Variants in NKAIN3 observed in about 807,000 individuals in gnomAD.
The protein encoded by NKAIN3 is sodium/potassium-transporting ATPase subunit beta-1-interacting protein 3.
In NKAIN3, 25 loss-of-function variants were observed where a neutral mutation model predicts 30.2. That is an observed-to-expected ratio of 0.83 (90% CI 0.60 to 1.16). The LOEUF (loss-of-function observed/expected upper bound fraction) is 1.16, where lower values mean the gene tolerates loss of function less well. Among genes scored for constraint, NKAIN3 ranks in the 50% most tolerant of loss-of-function variants. The probability of loss-of-function intolerance (pLI) is 0.00; values close to 1 mark genes in which losing one functional copy is unlikely to be tolerated. For missense variants in NKAIN3, 225 were observed against 254.1 expected (o/e 0.89, Z 0.78); for synonymous variants, 91 against 89.6 (o/e 1.02, Z -0.09).
chr8:62,815,864 C>G (rs1399489548), intron 4 of NKAIN3, among the ~76,000 whole-genome samples: 1 of 151,770 alleles, frequency 6.6e-6, no homozygotes, highest in Non-Finnish European at 1.5e-5. Flanking sequence ...TCTGCTGTTC[C>G]AATATTTCAA....
At chr8:62,454,450 T>C (rs1042486657) in intron 1 of NKAIN3, among the ~76,000 whole-genome samples, 1 of 152,140 alleles carries the variant, frequency 6.6e-6, no homozygotes, top group Non-Finnish European at 1.5e-5. Flanking sequence ...TATACTGTCT[T>C]AGGGTTTTCA....
intron 1 of NKAIN3, among the ~76,000 whole-genome samples, chr8:62,557,260 A>G (rs1024513334): frequency 6.6e-6 from 1 of 152,072 alleles, no homozygotes; most frequent in Non-Finnish European, 1.5e-5. Flanking sequence ...GCTGAGTAGT[A>G]TTGCATCATG....
intron 2 of NKAIN3, among the ~76,000 whole-genome samples, chr8:62,587,991 A>G (rs912943107): frequency 3.3e-5 from 5 of 152,120 alleles, no homozygotes; most frequent in Admixed American, 3.3e-4. Flanking sequence ...TTTAGGAATT[A>G]GTCCCAATAA....
At chr8:62,347,807 A>G (rs1816049690) in intron 1 of NKAIN3, among the ~76,000 whole-genome samples, 1 of 152,132 alleles carries the variant, frequency 6.6e-6, no homozygotes, top group Non-Finnish European at 1.5e-5. Flanking sequence ...TTGCAAAATG[A>G]CAACGGGAAA....
chr8:62,867,242 A>C (rs867164962), intron 4 of NKAIN3, among the ~76,000 whole-genome samples: 1 of 152,166 alleles, frequency 6.6e-6, no homozygotes, highest in African/African-American at 2.4e-5. Flanking sequence ...CTGACATTTC[A>C]CTGCTACATC....
intron 3 of NKAIN3, among the ~76,000 whole-genome samples, chr8:62,679,498 A>G (rs1177397725): frequency 2.6e-5 from 4 of 152,230 alleles, no homozygotes; most frequent in African/African-American, 9.6e-5. Flanking sequence ...GAACTGCTAT[A>G]AATAAATATC....
chr8:62,601,274 T>A (rs1378656824), intron 3 of NKAIN3, among the ~76,000 whole-genome samples: 1 of 152,056 alleles, frequency 6.6e-6, no homozygotes, highest in Non-Finnish European at 1.5e-5. Context: ...TTTTGATATC[T>A]TCCTACCTGG....
At chr8:62,937,427 C>T (rs925845849) in intron 5 of NKAIN3, among the ~76,000 whole-genome samples, 5 of 152,028 alleles carry the variant, frequency 3.3e-5, no homozygotes, top group South Asian at 4.1e-4. Context: ...ATTCACATCA[C>T]GGGAGAAGAA....
chr8:62,579,585 G>T lies in NKAIN3; in HGVS notation c.101G>T (p.Trp34Leu). 2 of 1,610,888 alleles carry T rather than the reference G, an allele frequency of 1.2e-6. No individual in the cohort carries two copies. The highest frequency in any genetic ancestry group is 1.7e-6 in the Non-Finnish European group (2 of 1,177,916). Residue 34 changes from tryptophan to leucine, a missense_variant, in exon 2 of 7, where the codon TGG becomes TTG. Coordinates refer to ENST00000623646, the MANE Select transcript of NKAIN3 (RefSeq NM_001304533.3). Reference protein sequence around the residue: ...RQIFDFLGFQWAPILGNFLHI... With the variant: ...RQIFDFLGFQLAPILGNFLHI... The stretch of plus-strand genomic sequence containing the variant: ...ATCTTTGACTTCCTTGGTTTCCAGT[G>T]GGCGCCTATTCTTGGAAATTTTCTA...
At position 62,813,551 on chromosome 8, in the gene NKAIN3, G is replaced by A. The variant is rs549605012; in HGVS notation, c.471+66422G>A. Reference sequence around the variant, plus strand: ...GGCCAGTCTGTATATTTTCATTGGGGAATTTAATCCATTTACATCCACAGT... The same window carrying A: ...GGCCAGTCTGTATATTTTCATTGGGAAATTTAATCCATTTACATCCACAGT... On this transcript the variant is annotated intron_variant, in intron 4 of 6. Coordinates refer to ENST00000623646, the MANE Select transcript of NKAIN3 (RefSeq NM_001304533.3). Among the ~76,000 whole-genome samples the A allele has an allele frequency of 5.3e-5, 8 of 150,904 alleles. No homozygotes were observed. The South Asian group carries it at 1.7e-3, about 32-fold the overall frequency.
rs72649356 is a variant in NKAIN3 at position 62,269,444 on chromosome 8, A to C, written c.54+20317A>C. On this transcript the variant is annotated intron_variant, in intron 1 of 6. Coordinates refer to ENST00000623646, the MANE Select transcript of NKAIN3 (RefSeq NM_001304533.3). The stretch of plus-strand genomic sequence containing the variant: ...GCTTTTGAGAAAGAGTAGACAGTAT[A>C]TCTCTGGAGTCGCCCATTATTTTTT... 9.0e-3 allele frequency among the ~76,000 whole-genome samples: 1,363 copies of C among 152,218 alleles called. 9 individuals are homozygous for C. The highest frequency in any genetic ancestry group is 0.015 in the Non-Finnish European group (1,006 of 68,004).
At chr8:62,888,203 A>G (rs1821201723) in intron 4 of NKAIN3, among the ~76,000 whole-genome samples, 1 of 152,156 alleles carries the variant, frequency 6.6e-6, no homozygotes, top group Non-Finnish European at 1.5e-5. Flanking sequence ...GTTCTGATAA[A>G]ATCCTAATAG....
At chr8:62,988,633 T>G (rs1055075931), downstream of NKAIN3, among the ~76,000 whole-genome samples, 3 of 152,232 alleles carry the variant, frequency 2.0e-5, no homozygotes, top group East Asian at 5.8e-4. Context: ...CCCTTGGATG[T>G]ACACAGCAGG....
chr8:62,499,267 T>C lies in NKAIN3; in HGVS notation c.55-80272T>C, dbSNP rs941659591. 1.3e-4 allele frequency among the ~76,000 whole-genome samples: 20 copies of C among 151,988 alleles called. 1 individual carries two copies. ...CACTCTGGAGATAGTAACTGTACTT[T>C]CTGTTCTTTTTGCTGCCTTTCTAGG... On this transcript the variant is annotated intron_variant, in intron 1 of 6. Transcript: ENST00000623646.
downstream of NKAIN3, chr8:62,984,971 A>G (rs1016457989): frequency 2.0e-5 from 3 of 152,232 alleles, no homozygotes; most frequent in African/African-American, 7.2e-5. Context: ...CTTAGAAACC[A>G]TATGCATCTT....
intron 1 of NKAIN3, among the ~76,000 whole-genome samples, chr8:62,410,142 A>G (rs1804196298): frequency 6.6e-6 from 1 of 150,778 alleles, no homozygotes; most frequent in South Asian, 2.1e-4. Context: ...TATTGTTTCC[A>G]TGTTCATGTC....
intron 5 of NKAIN3, among the ~76,000 whole-genome samples, chr8:62,922,841 C>G (rs1336733073): frequency 6.6e-6 from 1 of 151,774 alleles, no homozygotes; most frequent in Non-Finnish European, 1.5e-5. Flanking sequence ...AGATTTAGAT[C>G]CTGAAACATT....
At position 62,969,018 on chromosome 8, in the gene NKAIN3, C is replaced by A. The variant is rs1418083715; in HGVS notation, c.*3611C>A. ...TGTGTATATCCCCAAGTATCTTAGCCTTCCACCTACCACATAAAGTGAGGG... is the reference window on the plus strand; with the variant it reads ...TGTGTATATCCCCAAGTATCTTAGCATTCCACCTACCACATAAAGTGAGGG... On this transcript the variant is annotated 3_prime_UTR_variant, in exon 7 of 7. Transcript: ENST00000623646. 6.6e-6 allele frequency among the ~76,000 whole-genome samples: 1 copy of A among 152,204 alleles called. No homozygotes were observed. Among genetic ancestry groups the A allele is most frequent in the African/African-American group, 2.4e-5 (1 of 41,446 alleles).
intron 3 of NKAIN3, among the ~76,000 whole-genome samples, chr8:62,744,823 C>T (rs956168845): frequency 6.6e-6 from 1 of 152,040 alleles, no homozygotes; most frequent in South Asian, 2.1e-4. Flanking sequence ...AAAAAAATGA[C>T]CTAAACGTTT....
Sources: gnomAD v4.1 joint callset for allele counts (sites outside exome capture counted in the v4.1 genomes callset) on GRCh38, gnomAD v4.1.1 for gene constraint, MANE v1.5 for transcripts, NCBI Gene and HGNC (gene_info 2026-07-23, HGNC 2026-07-21) for gene names.